The following RAB15 variants were observed in gnomAD, a reference collection of about 807,000 sequenced individuals.
RAB15 encodes ras-related protein Rab-15.
Under a neutral mutation model 31.8 loss-of-function variants are expected in RAB15, and 13 were observed. The ratio of observed to expected loss-of-function variants is 0.41; its 90% CI spans 0.27 to 0.65. RAB15 has a LOEUF of 0.65. Among genes scored for constraint, RAB15 ranks in the 30% least tolerant of loss-of-function variants. The pLI is 0.32. For synonymous variants in RAB15, 100 were observed against 105.6 expected (o/e 0.95, Z 0.33); for missense variants, 220 against 277.3 (o/e 0.79, Z 1.47).
chr14:64,968,430 G>C lies in RAB15; in HGVS notation c.124+3523C>G, dbSNP rs571663186. 6.6e-6 allele frequency among the ~76,000 whole-genome samples: 1 copy of C among 152,158 alleles called. No individual in the cohort carries two copies. On this transcript the variant is annotated intron_variant, in intron 1 of 6. Coordinates refer to ENST00000533601, the MANE Select transcript of RAB15 (RefSeq NM_001308154.2). The surrounding 1 kb of genome is among the most constrained non-coding windows in gnomAD (Gnocchi z 4.9). ...CCCCAGCCTCCGACAGCATGGAGTC[G>C]TGGGAATAGCACTCACCCATCCCAT... is the stretch of plus-strand genomic sequence containing the variant.
chr14:64,966,903 C>T (rs1351628806), intron 1 of RAB15, among the ~76,000 whole-genome samples: 1 of 152,200 alleles, frequency 6.6e-6, no homozygotes, highest in Non-Finnish European at 1.5e-5. Flanking sequence ...CACAACGTCA[C>T]ACTGCATTTG....
Position 64,963,761 on chromosome 14 carries a change from A to T in RAB15, c.124+8192T>A, listed in dbSNP as rs573510316. Among the ~76,000 whole-genome samples, 18 of 152,298 alleles carry T rather than the reference A, an allele frequency of 1.2e-4. No homozygotes were observed. The East Asian group carries it at 3.5e-3, about 29-fold the overall frequency. On this transcript the variant is annotated intron_variant, in intron 1 of 6. Coordinates refer to ENST00000533601, the MANE Select transcript of RAB15 (RefSeq NM_001308154.2). ...ACTCCAGCTGGCCCCAGCAAGGCTG[A>T]AGAGTAGCAGCCCCACTGGAGGTGT...
At position 64,947,074 on chromosome 14, in the gene RAB15, C is replaced by T. The variant is rs947309212; in HGVS notation, c.*1280G>A. The T allele has an allele frequency of 2.6e-5, 4 of 152,634 alleles. No homozygotes were observed. Among genetic ancestry groups the T allele is most frequent in the Non-Finnish European group, 5.9e-5 (4 of 68,038 alleles). The allele number at this position is 152,634 out of a possible 1,614,324, so 9.5% of individuals were successfully genotyped here. A position where few individuals can be genotyped will look rare whatever the true frequency, so the allele number is the denominator to read the frequency against. Reference sequence around the variant, plus strand: ...GAGAACAGCACCAAGCGTTTCTACCCAGGGCCTTCCTTCTCTCTTCCCATG... The same window carrying T: ...GAGAACAGCACCAAGCGTTTCTACCTAGGGCCTTCCTTCTCTCTTCCCATG... On this transcript the variant is annotated 3_prime_UTR_variant, in exon 7 of 7. Transcript: ENST00000533601. The surrounding 1 kb of genome is among the most constrained non-coding windows in gnomAD (Gnocchi z 5.6).
In RAB15 at chr14:64,972,131, CCGCCG is replaced by C; in HGVS notation, c.-60_-56del. The C allele has an allele frequency of 7.8e-7, 1 of 1,281,764 alleles. No homozygotes were observed. 79.4% of individuals were successfully genotyped at this position (1,281,764 alleles called of 1,614,324 possible). A position where few individuals can be genotyped will look rare whatever the true frequency, so the allele number is the denominator to read the frequency against. ...GGCGGGCAGCGGGCTCAGCCCTGCT[CCGCCG>C]CTGCCATCGCGGCCCGCGCCCGCCC... On this transcript the variant is annotated 5_prime_UTR_variant, in exon 1 of 7. The change abolishes the stop of an existing upstream ORF in the 5' untranslated region. Coordinates refer to ENST00000533601, the MANE Select transcript of RAB15 (RefSeq NM_001308154.2). This position sits in a 1 kb window ranked among gnomAD's most constrained non-coding sequence, Gnocchi z 6.3.
rs1294662565 is a variant in RAB15 at position 64,962,216 on chromosome 14, A to AAAAAC, written c.125-9650_125-9646dup. On this transcript the variant is annotated intron_variant, in intron 1 of 6. Coordinates refer to ENST00000533601, the MANE Select transcript of RAB15 (RefSeq NM_001308154.2). The surrounding 1 kb of genome is among the most constrained non-coding windows in gnomAD (Gnocchi z 4.2). ...GGGGATACAGTGAGACTCTGTCTCA[A>AAAAAC]AAAACAAAACAAAACAAACAAACAA... 2.6e-5 allele frequency among the ~76,000 whole-genome samples: 4 copies of AAAAAC among 152,212 alleles called. No individual in the cohort carries two copies. The highest frequency in any genetic ancestry group is 2.1e-4 in the South Asian group (1 of 4,834).
rs915218710 is a variant in RAB15, at chr14:64,970,711, C to T, written c.124+1242G>A. ...GGCAGGTAGGTGCAATTATTATACCCGTTCTACAGATGAGAAACTAAATAA... is the reference window on the plus strand; with the variant it reads ...GGCAGGTAGGTGCAATTATTATACCTGTTCTACAGATGAGAAACTAAATAA... On this transcript the variant is annotated intron_variant, in intron 1 of 6. Coordinates refer to ENST00000533601, the MANE Select transcript of RAB15 (RefSeq NM_001308154.2). This position sits in a 1 kb window ranked among gnomAD's most constrained non-coding sequence, Gnocchi z 4.1. Among the ~76,000 whole-genome samples, 2 of 152,210 alleles carry T rather than the reference C, an allele frequency of 1.3e-5. No homozygotes were observed. Among genetic ancestry groups the T allele is most frequent in the Non-Finnish European group, 2.9e-5 (2 of 68,042 alleles).
chr14:64,950,737 T>A lies in RAB15; in HGVS notation c.325-323A>T. On this transcript the variant is annotated intron_variant, in intron 4 of 6. Coordinates refer to ENST00000533601, the MANE Select transcript of RAB15 (RefSeq NM_001308154.2). The surrounding 1 kb of genome is among the most constrained non-coding windows in gnomAD (Gnocchi z 5.6). ...GGGGACCCAGAGGATTCAAATGGCT[T>A]CCCAAGGCTCCACAGCTATTGTGCA... 1.7e-6 allele frequency: 1 copy of A among 597,134 alleles called. No individual in the cohort carries two copies. The highest frequency in any genetic ancestry group is 3.0e-6 in the Non-Finnish European group (1 of 335,820). The allele number at this position is 597,134 out of a possible 1,614,324, so 37.0% of individuals were successfully genotyped here. A position where few individuals can be genotyped will look rare whatever the true frequency, so the allele number is the denominator to read the frequency against.
chr14:64,965,312 A>T (rs1009343343), intron 1 of RAB15, among the ~76,000 whole-genome samples: 11 of 152,170 alleles, frequency 7.2e-5, no homozygotes, highest in Middle Eastern at 3.4e-3. Flanking sequence ...ACAAAAAATT[A>T]GCCAGGTGTG....
intron 1 of RAB15, among the ~76,000 whole-genome samples, chr14:64,956,273 G>C (rs555622021): frequency 1.1e-4 from 16 of 151,986 alleles, no homozygotes; most frequent in African/African-American, 3.4e-4. Flanking sequence ...TCATGGTGGC[G>C]GGCACCTGTA....
At chr14:64,957,899 C>G (rs934942551) in intron 1 of RAB15, 3 of 152,262 alleles carry the variant, frequency 2.0e-5, no homozygotes, top group Non-Finnish European at 4.4e-5. Flanking sequence ...TCCCACACGC[C>G]CTGGCATACC....
chr14:64,971,495 C>G lies in RAB15; in HGVS notation c.124+458G>C, dbSNP rs1887415299. ...CCTCCGTACGTCCTCTCTTCCCCCC[C>G]TCGCCCCCCGCCGGCTCCACCTTGG... On this transcript the variant is annotated intron_variant, in intron 1 of 6. Coordinates refer to ENST00000533601, the MANE Select transcript of RAB15 (RefSeq NM_001308154.2). The surrounding 1 kb of genome is among the most constrained non-coding windows in gnomAD (Gnocchi z 4.1). Among the ~76,000 whole-genome samples, 1 of 152,022 alleles carries G rather than the reference C, an allele frequency of 6.6e-6. No individual in the cohort carries two copies. The highest frequency in any genetic ancestry group is 2.1e-4 in the South Asian group (1 of 4,822).
intron 1 of RAB15, among the ~76,000 whole-genome samples, chr14:64,967,195 T>A (rs1429276265): frequency 6.6e-6 from 1 of 152,102 alleles, no homozygotes; most frequent in Non-Finnish European, 1.5e-5. Context: ...ACCCTCCTCC[T>A]CACCCAGAAG....
At chr14:64,959,349 A>C (rs1054588223) in intron 1 of RAB15, among the ~76,000 whole-genome samples, 3 of 152,162 alleles carry the variant, frequency 2.0e-5, no homozygotes, top group African/African-American at 7.2e-5. Context: ...AGATGCTTCA[A>C]CAAGGGGGCT....
Position 64,951,777 on chromosome 14 carries a change from C to G in RAB15, c.186-114G>C. 1 of 889,622 alleles carries G rather than the reference C, an allele frequency of 1.1e-6. No individual in the cohort carries two copies. Among genetic ancestry groups the G allele is most frequent in the Admixed American group, 1.9e-5 (1 of 53,540 alleles). The allele number at this position is 889,622 out of a possible 1,614,324, so 55.1% of individuals were successfully genotyped here. A position where few individuals can be genotyped will look rare whatever the true frequency, so the allele number is the denominator to read the frequency against. The stretch of plus-strand genomic sequence containing the variant: ...ACTGGGGAGCTAAAGGGTGAAAAAC[C>G]AGGGATGCTTGGATCCCCACAGGGA... On this transcript the variant is annotated intron_variant, in intron 2 of 6. Transcript: ENST00000533601. The surrounding 1 kb of genome is among the most constrained non-coding windows in gnomAD (Gnocchi z 7.2).
intron 1 of RAB15, among the ~76,000 whole-genome samples, chr14:64,966,055 T>C (rs1398792525): frequency 1.3e-5 from 2 of 152,178 alleles, no homozygotes; most frequent in Non-Finnish European, 1.5e-5. Context: ...GTCACCCCAC[T>C]GCTTCACACC....
At position 64,952,254 on chromosome 14, in the gene RAB15, A is replaced by C. The variant is rs1359307226; in HGVS notation, c.185+257T>G. On this transcript the variant is annotated intron_variant, in intron 2 of 6. Transcript: ENST00000533601. This position sits in a 1 kb window ranked among gnomAD's most constrained non-coding sequence, Gnocchi z 4.2. Reference sequence around the variant, plus strand: ...AAGGGCAAAGCCTAATCCTGAGATAAATTCACAATGGTTAGTGTGCCAGTT... The same window carrying C: ...AAGGGCAAAGCCTAATCCTGAGATACATTCACAATGGTTAGTGTGCCAGTT... Among the ~76,000 whole-genome samples the C allele has an allele frequency of 3.3e-5, 5 of 152,228 alleles. No homozygotes were observed. Among genetic ancestry groups the C allele is most frequent in the African/African-American group, 1.2e-4 (5 of 41,462 alleles).
At chr14:64,963,793 C>A (rs1202969870) in intron 1 of RAB15, among the ~76,000 whole-genome samples, 1 of 152,182 alleles carries the variant, frequency 6.6e-6, no homozygotes, top group Non-Finnish European at 1.5e-5. Context: ...GTGTTCTCCA[C>A]AGCACCTCCT....
chr14:64,950,526 AG>A lies in RAB15; in HGVS notation c.325-113del, dbSNP rs1316406931. 2 of 915,908 alleles carry A rather than the reference AG, an allele frequency of 2.2e-6. No homozygotes were observed. Among genetic ancestry groups the A allele is most frequent in the Non-Finnish European group, 3.6e-6 (2 of 561,620 alleles). 56.7% of individuals were successfully genotyped at this position (915,908 alleles called of 1,614,324 possible). On this transcript the variant is annotated intron_variant, in intron 4 of 6. Transcript: ENST00000533601. The surrounding 1 kb of genome is among the most constrained non-coding windows in gnomAD (Gnocchi z 5.6). ...CCACCAATTCCAGAGCCCTAGGGAC[AG>A]GGTGGGCCGACTGGATGCAGGTGCC...
At position 64,968,168 on chromosome 14, in the gene RAB15, C is replaced by T. The variant is rs556253364; in HGVS notation, c.124+3785G>A. ...AAGATTTGGTCGCACCATCAAGGCA[C>T]TTATAATTTGGGAGACAGAGAGAGA... On this transcript the variant is annotated intron_variant, in intron 1 of 6. Coordinates refer to ENST00000533601, the MANE Select transcript of RAB15 (RefSeq NM_001308154.2). The surrounding 1 kb of genome is among the most constrained non-coding windows in gnomAD (Gnocchi z 4.9). Among the ~76,000 whole-genome samples the T allele has an allele frequency of 9.1e-4, 139 of 152,326 alleles. No individual in the cohort carries two copies. The highest frequency in any genetic ancestry group is 1.7e-3 in the Non-Finnish European group (119 of 68,034).
Sources: gnomAD v4.1 joint callset for allele counts (sites outside exome capture counted in the v4.1 genomes callset) on GRCh38, gnomAD v4.1.1 for gene constraint, Gnocchi (gnomAD v3.1) non-coding constraint, MANE v1.5 for transcripts, NCBI Gene and HGNC (gene_info 2026-07-23, HGNC 2026-07-21) for gene names.